Variants in ZNF875 observed in about 807,000 individuals in gnomAD.
The protein encoded by ZNF875 is zinc finger protein 875, also known as HKR1, GLI-Kruppel zinc finger family member.
In ZNF875, 14 loss-of-function variants were observed where a neutral mutation model predicts 11.2. That is an observed-to-expected ratio of 1.26 (90% CI 0.83 to 1.96). The LOEUF is 1.96. Among genes scored for constraint, ZNF875 ranks in the 30% most tolerant of loss-of-function variants. The pLI, the probability that ZNF875 is intolerant of heterozygous loss-of-function variation, is 0.00. For missense variants in ZNF875, 752 were observed against 760.4 expected, an observed-to-expected ratio of 0.99 and a Z score of 0.13; for synonymous variants, 301 against 281.1, an observed-to-expected ratio of 1.07 and a Z score of -0.71.
At chr19:37,340,873 C>T (rs908587485) in intron 2 of ZNF875, among the ~76,000 whole-genome samples, 8 of 152,040 alleles carry the variant, frequency 5.3e-5, no homozygotes, top group African/African-American at 1.9e-4. Context: ...TGGTCTCGAT[C>T]TCCTGACCTC....
intron 4 of ZNF875, among the ~76,000 whole-genome samples, chr19:37,349,210 C>T (rs2037387002): frequency 6.6e-6 from 1 of 152,268 alleles, no homozygotes; most frequent in African/African-American, 2.4e-5. Flanking sequence ...CTCTAATGAC[C>T]TCATCTTAAC....
chr19:37,322,867 T>C (rs2031743849), intron 2 of ZNF875, among the ~76,000 whole-genome samples: 2 of 152,282 alleles, frequency 1.3e-5, no homozygotes, highest in South Asian at 2.1e-4. Flanking sequence ...GTAATCTTCA[T>C]TGTGTGTGAG....
At chr19:37,332,803 C>T (rs1328103240), upstream of ZNF875, among the ~76,000 whole-genome samples, 2 of 152,202 alleles carry the variant, frequency 1.3e-5, no homozygotes, top group East Asian at 1.9e-4. Flanking sequence ...TTTTTTCTTC[C>T]CCACTGCGTT....
chr19:37,321,162 C>A (rs372821475), intron 1 of ZNF875, among the ~76,000 whole-genome samples: 1 of 152,142 alleles, frequency 6.6e-6, no homozygotes, highest in South Asian at 2.1e-4. Flanking sequence ...AATATGGCCC[C>A]GTGGGAAGGA....
chr19:37,326,792 C>T (rs1299500570), intron 4 of ZNF875, among the ~76,000 whole-genome samples: 4 of 151,348 alleles, frequency 2.6e-5, no homozygotes, highest in Admixed American at 1.3e-4. Context: ...CTCAGCCTCC[C>T]GAGTACCCGG....
chr19:37,327,927 C>A (rs7258692), intron 4 of ZNF875, among the ~76,000 whole-genome samples: 35,516 of 151,884 alleles, frequency 0.23, 4,790 homozygotes, highest in African/African-American at 0.37. Context: ...TGAGGGAACA[C>A]AATGTTAGAG....
Position 37,349,703 on chromosome 19 carries a change from G to C in ZNF875, c.256+1831G>C, listed in dbSNP as rs143531610. Among the ~76,000 whole-genome samples the C allele has an allele frequency of 1.8e-3, 270 of 152,180 alleles. 3 individuals carry two copies. The highest frequency in any genetic ancestry group is 6.8e-3 in the Middle Eastern group (2 of 294). ...GGAGTCTTGCTCTGTCACCCAGCCA[G>C]GAGTGCAGTGGCATGATCTCAGCTC... On this transcript the variant is annotated intron_variant, in intron 4 of 4. Coordinates refer to ENST00000392153, the MANE Select transcript of ZNF875 (RefSeq NM_001353803.2).
At position 37,363,591 on chromosome 19, in the gene ZNF875, G is replaced by A. The variant is rs757542961; in HGVS notation, c.1739G>A (p.Arg580Lys). 4.3e-6 allele frequency: 7 copies of A among 1,613,794 alleles called. No individual in the cohort carries two copies. In the South Asian group the frequency reaches 7.7e-5, roughly 18 times the overall value. The change falls in exon 5 of 5, where the codon AGA becomes AAA. Residue 580 changes from arginine to lysine, a missense_variant. Physicochemically the swap from Arg to Lys is conservative, Grantham distance 26. Coordinates refer to ENST00000392153, the MANE Select transcript of ZNF875 (RefSeq NM_001353803.2). ...CAKLTLIKHQ[R>K]AHAGGKPHVC... Reference sequence around the variant, plus strand: ...AAGTTAACTCTCATTAAACACCAGAGAGCACACGCAGGGGGGAAGCCTCAT... The same window carrying A: ...AAGTTAACTCTCATTAAACACCAGAAAGCACACGCAGGGGGGAAGCCTCAT...
intron 2 of ZNF875, among the ~76,000 whole-genome samples, chr19:37,339,709 T>C (rs1221360494): frequency 6.7e-6 from 1 of 150,242 alleles, no homozygotes; most frequent in Non-Finnish European, 1.5e-5. Flanking sequence ...GGATTACAGG[T>C]GCCCGCCACC....
chr19:37,317,565 C>T (rs1012165899), upstream of ZNF875, among the ~76,000 whole-genome samples: 2 of 152,204 alleles, frequency 1.3e-5, no homozygotes, highest in African/African-American at 4.8e-5. Flanking sequence ...GGGACGGTCT[C>T]CAGCGCCTGG....
intron 1 of ZNF875, among the ~76,000 whole-genome samples, chr19:37,320,647 A>G (rs1053633579): frequency 6.6e-6 from 1 of 152,190 alleles, no homozygotes; most frequent in African/African-American, 2.4e-5. Flanking sequence ...CAGAAGACTC[A>G]ACAGCTGGGG....
chr19:37,316,121 G>A (rs1438246975), upstream of ZNF875, among the ~76,000 whole-genome samples: 4 of 152,182 alleles, frequency 2.6e-5, no homozygotes, highest in Admixed American at 1.3e-4. Flanking sequence ...CTGCCACACT[G>A]TGATCGGAAC....
chr19:37,334,310 G>A (rs531967051), upstream of ZNF875, among the ~76,000 whole-genome samples: 1 of 152,326 alleles, frequency 6.6e-6, no homozygotes, highest in East Asian at 1.9e-4. Flanking sequence ...GGAGACTTGC[G>A]TAGTGAGCTC....
intron 4 of ZNF875, chr19:37,359,375 T>C: frequency 5.3e-6 from 1 of 190,010 alleles, no homozygotes; most frequent in South Asian, 6.6e-5. Context: ...TTTCTAGACG[T>C]ATAAGAATGG....
At chr19:37,352,777 TTTTC>T (rs2038144285) in intron 4 of ZNF875, among the ~76,000 whole-genome samples, 1 of 152,060 alleles carries the variant, frequency 6.6e-6, no homozygotes, top group Admixed American at 6.6e-5. Flanking sequence ...TTTGCCAGAT[TTTTC>T]TTTGTTTTCT....
intron 2 of ZNF875, among the ~76,000 whole-genome samples, chr19:37,343,299 C>T (rs1352948263): frequency 1.3e-5 from 2 of 150,756 alleles, no homozygotes; most frequent in South Asian, 4.2e-4. Flanking sequence ...GCCGAGACCA[C>T]GTCATTGCAC....
intron 2 of ZNF875, among the ~76,000 whole-genome samples, chr19:37,341,469 A>G (rs1328830395): frequency 6.6e-6 from 1 of 152,086 alleles, no homozygotes; most frequent in Non-Finnish European, 1.5e-5. Context: ...GGCTTGGTCA[A>G]ATGGTCTTGG....
At chr19:37,326,469 G>C (rs2145752358) in intron 4 of ZNF875, among the ~76,000 whole-genome samples, 2 of 151,790 alleles carry the variant, frequency 1.3e-5, no homozygotes, top group South Asian at 4.2e-4. Flanking sequence ...TACATTCAAG[G>C]GTCACAGTTT....
At chr19:37,349,830 T>A (rs1388645931) in intron 4 of ZNF875, among the ~76,000 whole-genome samples, 1 of 152,064 alleles carries the variant, frequency 6.6e-6, no homozygotes, top group African/African-American at 2.4e-5. Context: ...GGTTTTTGTA[T>A]TTTTAGTAGA....
Sources: gnomAD v4.1 joint callset for allele counts (sites outside exome capture counted in the v4.1 genomes callset) on GRCh38, gnomAD v4.1.1 for gene constraint, MANE v1.5 for transcripts, NCBI Gene and HGNC (gene_info 2026-07-23, HGNC 2026-07-21) for gene names.